Variants in DSCAM observed in about 807,000 individuals in gnomAD.
The protein encoded by DSCAM is DS cell adhesion molecule.
In DSCAM, 47 loss-of-function variants were observed where a neutral mutation model predicts 217.7. The ratio of observed to expected loss-of-function variants is 0.22; its 90% CI spans 0.17 to 0.28. The LOEUF is 0.28. Ranked by LOEUF, DSCAM falls within the 10% of genes least tolerant of loss-of-function variation. The pLI, the probability that DSCAM is intolerant of heterozygous loss-of-function variation, is 1.00. For missense variants in DSCAM, 2,080 were observed against 2,618.3 expected, an observed-to-expected ratio of 0.79 and a Z score of 4.49; for synonymous variants, 1,056 against 1,015.3, an observed-to-expected ratio of 1.04 and a Z score of -0.76.
chr21:40,403,567 T>C (rs942539194), intron 3 of DSCAM, among the ~76,000 whole-genome samples: 1 of 151,866 alleles, frequency 6.6e-6, no homozygotes, highest in Non-Finnish European at 1.5e-5. Flanking sequence ...CATGGGTGGT[T>C]TGGCAGGCTA....
At chr21:40,188,615 C>T (rs115475886) in intron 12 of DSCAM, among the ~76,000 whole-genome samples, 187 of 151,976 alleles carry the variant, frequency 1.2e-3, no homozygotes, top group African/African-American at 4.2e-3. Context: ...CTTTTAACGA[C>T]AGATTTTTTT....
At chr21:40,314,352 C>G (rs751314070) in intron 8 of DSCAM, among the ~76,000 whole-genome samples, 58 of 152,190 alleles carry the variant, frequency 3.8e-4, no homozygotes, top group Non-Finnish European at 7.6e-4. Context: ...GACAAGCATA[C>G]TCAATGTCAA....
At chr21:40,399,265 G>A (rs556696557) in intron 3 of DSCAM, among the ~76,000 whole-genome samples, 3 of 142,576 alleles carry the variant, frequency 2.1e-5, no homozygotes, top group Non-Finnish European at 4.6e-5. Context: ...GGAAGACCCT[G>A]TCTCACAAAA....
At chr21:40,304,024 T>A (rs757362054) in intron 9 of DSCAM, among the ~76,000 whole-genome samples, 1 of 152,188 alleles carries the variant, frequency 6.6e-6, no homozygotes, top group Non-Finnish European at 1.5e-5. Context: ...TTATTTCTAA[T>A]ACCTTAATCA....
At chr21:40,374,883 G>A (rs1440061016) in intron 3 of DSCAM, among the ~76,000 whole-genome samples, 1 of 152,140 alleles carries the variant, frequency 6.6e-6, no homozygotes, top group Non-Finnish European at 1.5e-5. Flanking sequence ...AGAACAGTGA[G>A]AGATAAATTT....
chr21:40,085,226 A>G (rs1049427442), intron 23 of DSCAM, among the ~76,000 whole-genome samples: 5 of 152,230 alleles, frequency 3.3e-5, no homozygotes, highest in Non-Finnish European at 5.9e-5. Context: ...CATACAAAAA[A>G]GACCACAATT....
intron 3 of DSCAM, among the ~76,000 whole-genome samples, chr21:40,646,804 G>A (rs1450572000): frequency 3.3e-5 from 5 of 152,160 alleles, no homozygotes; most frequent in African/African-American, 1.2e-4. Flanking sequence ...GGCCCTCCAG[G>A]GGCCCTGGAC....
intron 3 of DSCAM, among the ~76,000 whole-genome samples, chr21:40,570,629 T>C (rs1473751279): frequency 2.0e-5 from 3 of 152,170 alleles, no homozygotes; most frequent in Non-Finnish European, 4.4e-5. Flanking sequence ...ATGAAGGCTC[T>C]AGAGGAAAAT....
At chr21:40,267,635 A>T (rs571252859) in intron 11 of DSCAM, among the ~76,000 whole-genome samples, 93 of 152,300 alleles carry the variant, frequency 6.1e-4, no homozygotes, top group African/African-American at 2.2e-3. Context: ...GGTGGCTTAC[A>T]CCTGTAATCC....
intron 8 of DSCAM, among the ~76,000 whole-genome samples, chr21:40,327,380 C>T (rs1305996948): frequency 6.6e-6 from 1 of 152,050 alleles, no homozygotes; most frequent in Admixed American, 6.6e-5. Flanking sequence ...GAATTGTATT[C>T]TTATATGTTG....
rs1415906106 is a variant in DSCAM at position 40,144,450 on chromosome 21, T to C, written c.3259+41A>G. 3 of 1,609,208 alleles carry C rather than the reference T, an allele frequency of 1.9e-6. No individual in the cohort carries two copies. Among genetic ancestry groups the C allele is most frequent in the East Asian group, 4.5e-5 (2 of 44,726 alleles). ...CCCGGGGCAGACCCGAGGGAACCTT[T>C]GCGGAGGGAAAAGCCACGACCAGGC... On this transcript the variant is annotated intron_variant, in intron 17 of 32. Transcript: ENST00000400454. This position sits in a 1 kb window ranked among gnomAD's most constrained non-coding sequence, Gnocchi z 4.8.
At chr21:40,464,164 G>C (rs192649347) in intron 3 of DSCAM, among the ~76,000 whole-genome samples, 1 of 152,176 alleles carries the variant, frequency 6.6e-6, no homozygotes, top group African/African-American at 2.4e-5. Flanking sequence ...CAGCCTGACT[G>C]CTTCCTTCAC....
At chr21:40,275,335 A>T (rs1209355443) in intron 11 of DSCAM, among the ~76,000 whole-genome samples, 1 of 152,126 alleles carries the variant, frequency 6.6e-6, no homozygotes, top group East Asian at 1.9e-4. Flanking sequence ...GCCTCAAAAA[A>T]AAAGTGGGAG....
chr21:40,605,431 C>A (rs1235521309), intron 3 of DSCAM, among the ~76,000 whole-genome samples: 1 of 152,154 alleles, frequency 6.6e-6, no homozygotes, highest in Non-Finnish European at 1.5e-5. Flanking sequence ...TCTCTGGGTG[C>A]CCTCGCTGAA....
chr21:40,612,812 G>A (rs2089333946), intron 3 of DSCAM, among the ~76,000 whole-genome samples: 1 of 152,180 alleles, frequency 6.6e-6, no homozygotes, highest in African/African-American at 2.4e-5. Context: ...GGAAGGCAGT[G>A]GCTGAGTGAA....
chr21:40,244,428 G>T (rs893463371), intron 11 of DSCAM, among the ~76,000 whole-genome samples: 17 of 150,418 alleles, frequency 1.1e-4, no homozygotes, highest in Admixed American at 1.1e-3. Context: ...TCCAGCCTGG[G>T]TGACAGAATG....
At chr21:40,766,474 T>C (rs958637385) in intron 1 of DSCAM, among the ~76,000 whole-genome samples, 2 of 151,934 alleles carry the variant, frequency 1.3e-5, no homozygotes, top group Admixed American at 6.6e-5. Context: ...AACATTAACA[T>C]TGAGGCTTGG....
chr21:40,660,163 C>G (rs1353303546), intron 3 of DSCAM, among the ~76,000 whole-genome samples: 1 of 151,862 alleles, frequency 6.6e-6, no homozygotes, highest in Non-Finnish European at 1.5e-5. Flanking sequence ...AATGGCCACA[C>G]AGTTAATGAG....
chr21:40,250,751 T>C (rs2073292613), intron 11 of DSCAM, among the ~76,000 whole-genome samples: 1 of 152,154 alleles, frequency 6.6e-6, no homozygotes, highest in African/African-American at 2.4e-5. Context: ...ATGAGAAGAC[T>C]TGAAAGATTA....
Sources: gnomAD v4.1 joint callset for allele counts (sites outside exome capture counted in the v4.1 genomes callset) on GRCh38, gnomAD v4.1.1 for gene constraint, Gnocchi (gnomAD v3.1) non-coding constraint, MANE v1.5 for transcripts, NCBI Gene and HGNC (gene_info 2026-07-23, HGNC 2026-07-21) for gene names.